The following DDAH1 variants were observed in gnomAD, a reference collection of about 807,000 sequenced individuals.
DDAH1 encodes N(G),N(G)-dimethylarginine dimethylaminohydrolase 1.
A neutral mutation model predicts 28.8 loss-of-function variants in DDAH1; 19 were observed. The observed-to-expected ratio is 0.66, with a 90% CI of 0.46 to 0.97. DDAH1 has a LOEUF of 0.97. Ranked by LOEUF, DDAH1 falls within the 50% of genes least tolerant of loss-of-function variation. The pLI, the probability that DDAH1 is intolerant of heterozygous loss-of-function variation, is 0.00. For missense variants in DDAH1, 326 were observed against 375.9 expected (o/e 0.87, Z 1.10); for synonymous variants, 153 against 154.4 (o/e 0.99, Z 0.07).
At chr1:85,376,672 C>T (rs541841268) in intron 1 of DDAH1, 8 of 150,856 alleles carry the variant, frequency 5.3e-5, no homozygotes, top group African/African-American at 1.9e-4. Context: ...GAAATTCACT[C>T]CCTGGATTAC....
intron 1 of DDAH1, among the ~76,000 whole-genome samples, chr1:85,418,358 G>A (rs1053477569): frequency 2.6e-5 from 4 of 151,950 alleles, no homozygotes; most frequent in South Asian, 2.1e-4. Context: ...AATAAAACTC[G>A]GTAAAACAAG....
chr1:85,499,852 GA>G (rs1656731247), intron 1 of DDAH1, among the ~76,000 whole-genome samples: 1 of 152,028 alleles, frequency 6.6e-6, no homozygotes, highest in African/African-American at 2.4e-5. Context: ...AATAGGCAAG[GA>G]AAAAAGTAAT....
rs11806417 is a variant in DDAH1, at chr1:85,377,125, G to A, written c.304-18278C>T. ...AGACATTTGTGGTCATACAGCTCAG[G>A]TGACCAACTCCCAGTAGGTTGGCAT... On this transcript the variant is annotated intron_variant, in intron 1 of 5. Coordinates refer to ENST00000284031, the MANE Select transcript of DDAH1 (RefSeq NM_012137.4). 4.8e-3 allele frequency among the ~76,000 whole-genome samples: 738 copies of A among 152,172 alleles called. 2 individuals are homozygous for A. The highest frequency in any genetic ancestry group is 0.017 in the African/African-American group (709 of 41,518).
chr1:85,371,167 A>G (rs1266979215), intron 1 of DDAH1, among the ~76,000 whole-genome samples: 1 of 152,210 alleles, frequency 6.6e-6, no homozygotes. Flanking sequence ...CTTAACGTAC[A>G]TTCATTATGA....
At chr1:85,562,967 A>C (rs142937031) in intron 1 of DDAH1, among the ~76,000 whole-genome samples, 176 of 152,368 alleles carry the variant, frequency 1.2e-3, no homozygotes, top group African/African-American at 4.2e-3. Flanking sequence ...AAAACTGGAC[A>C]AATTATATAA....
At chr1:85,416,102 C>T (rs1355181396) in intron 1 of DDAH1, among the ~76,000 whole-genome samples, 3 of 151,966 alleles carry the variant, frequency 2.0e-5, no homozygotes, top group Non-Finnish European at 4.4e-5. Flanking sequence ...TTTGAGTTTG[C>T]TTATGTTAGG....
intron 1 of DDAH1, among the ~76,000 whole-genome samples, chr1:85,533,386 G>GCAAT (rs1658159543): frequency 6.6e-6 from 1 of 151,662 alleles, no homozygotes; most frequent in Non-Finnish European, 1.5e-5. Context: ...GTCCAGGGTG[G>GCAAT]CCTCAAACTA....
At chr1:85,358,216 A>G (rs1649587103) in intron 2 of DDAH1, among the ~76,000 whole-genome samples, 1 of 152,246 alleles carries the variant, frequency 6.6e-6, no homozygotes, top group Non-Finnish European at 1.5e-5. Context: ...GCAAATGTAT[A>G]TATACGAAGT....
intron 1 of DDAH1, among the ~76,000 whole-genome samples, chr1:85,565,199 T>TA (rs112088658): frequency 0.31 from 46,044 of 149,894 alleles, 7,309 homozygotes; most frequent in South Asian, 0.58. Context: ...GAGACTCCGT[T>TA]AAAAAAAAAA....
At chr1:85,355,616 G>A (rs1649449657) in intron 2 of DDAH1, among the ~76,000 whole-genome samples, 1 of 152,102 alleles carries the variant, frequency 6.6e-6, no homozygotes, top group Non-Finnish European at 1.5e-5. Flanking sequence ...AAGAAAAAGA[G>A]TTTACTCTAT....
intron 4 of DDAH1, among the ~76,000 whole-genome samples, chr1:85,347,750 A>G (rs1029604636): frequency 6.7e-6 from 1 of 149,200 alleles, no homozygotes; most frequent in African/African-American, 2.5e-5. Context: ...TGTACCCTAG[A>G]ACTTAAAGTA....
intron 2 of DDAH1, among the ~76,000 whole-genome samples, chr1:85,354,003 C>A (rs1649365576): frequency 6.6e-6 from 1 of 152,156 alleles, no homozygotes; most frequent in South Asian, 2.1e-4. Flanking sequence ...TGCTGCTTAT[C>A]TCTTCAAAGT....
intron 1 of DDAH1, among the ~76,000 whole-genome samples, chr1:85,534,151 T>G (rs1658187634): frequency 6.6e-6 from 1 of 152,184 alleles, no homozygotes; most frequent in African/African-American, 2.4e-5. Context: ...GGCTCCGTAA[T>G]CTCCCCTAAT....
chr1:85,379,995 A>G (rs1423384097), intron 1 of DDAH1, among the ~76,000 whole-genome samples: 1 of 152,242 alleles, frequency 6.6e-6, no homozygotes, highest in Non-Finnish European at 1.5e-5. Flanking sequence ...CTGGAGCCAG[A>G]GTAATTCTGC....
At chr1:85,363,667 T>C (rs1347851829) in intron 1 of DDAH1, among the ~76,000 whole-genome samples, 1 of 152,232 alleles carries the variant, frequency 6.6e-6, no homozygotes, top group Non-Finnish European at 1.5e-5. Context: ...CACAGATGGC[T>C]TGGAACTTGC....
chr1:85,496,369 G>T, intron 1 of DDAH1: 3 of 211,420 alleles, frequency 1.4e-5, no homozygotes, highest in Non-Finnish European at 2.5e-5. Context: ...GTCTTCTCTA[G>T]AGAGAAGAGA....
At position 85,318,525 on chromosome 1, in the gene DDAH1, T is replaced by C. The variant is rs1435789408; in HGVS notation, c.*2927A>G. On this transcript the variant is annotated 3_prime_UTR_variant, in exon 6 of 6. Transcript: ENST00000284031. ...ACACTTTATTCCATTGTGATTGGTATACATGTAAGATTGAGACATCAAGAG... is the reference window on the plus strand; with the variant it reads ...ACACTTTATTCCATTGTGATTGGTACACATGTAAGATTGAGACATCAAGAG... The C allele has an allele frequency of 6.6e-6, 1 of 152,644 alleles. No homozygotes were observed. Among genetic ancestry groups the C allele is most frequent in the Non-Finnish European group, 1.5e-5 (1 of 68,048 alleles). The allele number at this position is 152,644 out of a possible 1,614,324, so 9.5% of individuals were successfully genotyped here.
chr1:85,539,963 G>T (rs1426232238), intron 1 of DDAH1, among the ~76,000 whole-genome samples: 2 of 150,848 alleles, frequency 1.3e-5, no homozygotes, highest in Admixed American at 6.6e-5. Flanking sequence ...TTATAAAGTA[G>T]GTATTATACC....
intron 1 of DDAH1, among the ~76,000 whole-genome samples, chr1:85,444,372 A>T (rs1428217190): frequency 1.3e-5 from 2 of 152,182 alleles, no homozygotes. Flanking sequence ...AGCCCACTTG[A>T]TCATGGTGGA....
Sources: gnomAD v4.1 joint callset for allele counts (sites outside exome capture counted in the v4.1 genomes callset) on GRCh38, gnomAD v4.1.1 for gene constraint, MANE v1.5 for transcripts, NCBI Gene and HGNC (gene_info 2026-07-23, HGNC 2026-07-21) for gene names.